The following ABCA9 variants were observed in gnomAD, a reference collection of about 807,000 sequenced individuals.
ABCA9 encodes ATP-binding cassette sub-family A member 9.
In ABCA9, 183 loss-of-function variants were observed where a neutral mutation model predicts 205.3. The ratio of observed to expected loss-of-function variants is 0.89; its 90% CI spans 0.79 to 1.01. The LOEUF (loss-of-function observed/expected upper bound fraction) is 1.01. Among genes scored for constraint, ABCA9 ranks in the 50% least tolerant of loss-of-function variants. The pLI, the probability that ABCA9 is intolerant of heterozygous loss-of-function variation, is 0.00. For synonymous variants in ABCA9, 651 were observed against 683.3 expected (o/e 0.95, Z 0.74); for missense variants, 1,805 against 1,912.4 (o/e 0.94, Z 1.05).
chr17:69,019,970 C>A (rs1181517779), intron 19 of ABCA9: 1 of 154,498 alleles, frequency 6.5e-6, no homozygotes, highest in African/African-American at 2.4e-5. Flanking sequence ...CCAAGCCCCA[C>A]AATTACATAA....
At chr17:69,047,542 C>T (rs746350195) in intron 3 of ABCA9, among the ~76,000 whole-genome samples, 9 of 152,014 alleles carry the variant, frequency 5.9e-5, no homozygotes, top group Non-Finnish European at 1.3e-4. Context: ...GCAGGGGCCC[C>T]AGAGAAATGG....
At chr17:68,983,053 A>C (rs368377901) in intron 36 of ABCA9, among the ~76,000 whole-genome samples, 1 of 152,122 alleles carries the variant, frequency 6.6e-6, no homozygotes, top group Non-Finnish European at 1.5e-5. Flanking sequence ...ATCGTCAACA[A>C]TCTGTCTAAA....
intron 11 of ABCA9, among the ~76,000 whole-genome samples, chr17:69,028,892 T>C (rs1054552412): frequency 6.6e-6 from 1 of 152,190 alleles, no homozygotes; most frequent in African/African-American, 2.4e-5. Flanking sequence ...CTAACAATAA[T>C]ACAATTTTAG....
At chr17:69,001,548 T>A (rs2069868580) in intron 25 of ABCA9, among the ~76,000 whole-genome samples, 1 of 151,794 alleles carries the variant, frequency 6.6e-6, no homozygotes, top group Non-Finnish European at 1.5e-5. Flanking sequence ...TTTGCATCAA[T>A]GTGCATCAAG....
At position 69,007,872 on chromosome 17, in the gene ABCA9, T is replaced by A. The variant is rs1280072783; in HGVS notation, c.3322A>T (p.Ile1108Phe). 3.8e-6 allele frequency: 6 copies of A among 1,572,372 alleles called. No homozygotes were observed. Among genetic ancestry groups the A allele is most frequent in the Non-Finnish European group, 5.2e-6 (6 of 1,145,550 alleles). ...IFIIQNLLIQ[I>F]LCSIGYVSSL... ...GAGACATAGCCAATACTACACAGGA[T>A]CTGAAAACAGAAATGTTAAGGTCCA... Residue 1108 changes from isoleucine to phenylalanine, a missense_variant and splice_region_variant, in exon 25 of 39, where the codon ATC becomes TTC. By Grantham distance (21) the Ile-to-Phe change is conservative. Transcript: ENST00000340001.
intron 25 of ABCA9, among the ~76,000 whole-genome samples, chr17:69,007,537 T>C (rs2070190554): frequency 6.6e-6 from 1 of 152,248 alleles, no homozygotes; most frequent in African/African-American, 2.4e-5. Flanking sequence ...AAGTCTCTAC[T>C]CAGGGGAGAA....
At chr17:69,010,412 A>G (rs1297265603) in intron 23 of ABCA9, among the ~76,000 whole-genome samples, 1 of 152,126 alleles carries the variant, frequency 6.6e-6, no homozygotes, top group Non-Finnish European at 1.5e-5. Context: ...GGCCCAGATG[A>G]TATTGGCATA....
intron 37 of ABCA9, among the ~76,000 whole-genome samples, chr17:68,980,835 A>C (rs534341021): frequency 2.3e-4 from 35 of 152,014 alleles, no homozygotes; most frequent in African/African-American, 8.0e-4. Flanking sequence ...TACTGGGTGC[A>C]GCACACCAAC....
chr17:68,987,635 A>AACAG (rs1249005145), intron 31 of ABCA9, among the ~76,000 whole-genome samples: 4 of 152,240 alleles, frequency 2.6e-5, no homozygotes, highest in African/African-American at 4.8e-5. Context: ...GCAGGCGGTC[A>AACAG]ACAGACCACA....
In ABCA9 at chr17:69,043,535, T is replaced by C; in HGVS notation, c.754A>G (p.Ile252Val). Residue 252 changes from isoleucine to valine, a missense_variant, in exon 6 of 39, where the codon ATT becomes GTT. Transcript: ENST00000340001. ...SVNVTQERQYITSLMTMMGLR... is the reference protein window; with the variant it reads ...SVNVTQERQYVTSLMTMMGLR... ...CCCATCATTGTCATCAATGACGTAA[T>C]GTATTGTCTTTCTTGTGTAACATTG... 5.0e-6 allele frequency: 8 copies of C among 1,609,904 alleles called. No homozygotes were observed. Among genetic ancestry groups the C allele is most frequent in the Non-Finnish European group, 5.9e-6 (7 of 1,178,258 alleles).
chr17:68,975,915 T>TA lies in ABCA9; in HGVS notation c.4874_4875insT (p.Ter1625TyrfsTer11). The TA allele has an allele frequency of 6.2e-7, 1 of 1,609,886 alleles. No homozygotes were observed. The highest frequency in any genetic ancestry group is 1.1e-5 in the South Asian group (1 of 90,452). ...AGAAAGATATAGGGTATTTGGAGCT[T>TA]TAAGGCTCTTCCTGCAGGAGGAGTT... On this transcript the variant is annotated frameshift_variant and stop_lost, in exon 39 of 39. Transcript: ENST00000340001. LOFTEE classifies it high-confidence loss of function.
intron 14 of ABCA9, 50 bp from the exon 15 acceptor site, chr17:69,027,164 C>A (rs1182296156): frequency 6.3e-7 from 1 of 1,599,142 alleles, no homozygotes; most frequent in East Asian, 2.2e-5. Flanking sequence ...GGATAAGATC[C>A]TTTTAAAAAG....
chr17:69,028,670 C>T (rs983528977), intron 11 of ABCA9, 25 bp from the exon 12 acceptor site: 6 of 1,409,090 alleles, frequency 4.3e-6, no homozygotes, highest in African/African-American at 1.4e-5. Flanking sequence ...AAAAAAATTA[C>T]ACTCAGAGCC....
intron 21 of ABCA9, among the ~76,000 whole-genome samples, chr17:69,016,809 T>G (rs183942574): frequency 3.9e-5 from 6 of 152,154 alleles, no homozygotes. Context: ...AAGTATAGGT[T>G]TTCATAAATC....
At chr17:68,989,959 C>T in intron 29 of ABCA9, 29 bp from the exon 30 acceptor site, 2 of 1,483,470 alleles carry the variant, frequency 1.3e-6, no homozygotes, top group African/African-American at 1.4e-5. Context: ...AACAACGGGA[C>T]TTTATTCGCA....
At position 69,045,164 on chromosome 17, in the gene ABCA9, A is replaced by G. The variant is rs1222443804; in HGVS notation, c.469+8T>C. 2.5e-6 allele frequency: 4 copies of G among 1,609,924 alleles called. No individual in the cohort carries two copies. Among genetic ancestry groups the G allele is most frequent in the African/African-American group, 1.3e-5 (1 of 74,640 alleles). ...GCAAAAAAAATTTTTTTCTTCTTCAAAAGTTACCTGAATGGTCTCTGTGCT... is the reference window on the plus strand; with the variant it reads ...GCAAAAAAAATTTTTTTCTTCTTCAGAAGTTACCTGAATGGTCTCTGTGCT... On this transcript the variant is annotated splice_region_variant and intron_variant, in intron 4 of 38. Transcript: ENST00000340001.
chr17:69,000,045 G>A (rs899417210), intron 25 of ABCA9, among the ~76,000 whole-genome samples: 8 of 152,000 alleles, frequency 5.3e-5, no homozygotes, highest in Admixed American at 2.0e-4. Context: ...CAGATGAGTA[G>A]GTTGCGAAAA....
At chr17:69,068,824 T>G in the ABCA9 span, among the ~76,000 whole-genome samples, 1 of 152,164 alleles carries the variant, frequency 6.6e-6, no homozygotes, top group South Asian at 2.1e-4. Context: ...ATGATGATAA[T>G]GACTAATGTG....
chr17:68,997,585 AT>A (rs1028879448), intron 25 of ABCA9, among the ~76,000 whole-genome samples: 16 of 98,324 alleles, frequency 1.6e-4, no homozygotes, highest in African/African-American at 3.4e-4. Context: ...GTTCCTGGGT[AT>A]TTTTTTTCTT....
Sources: gnomAD v4.1 joint callset for allele counts (sites outside exome capture counted in the v4.1 genomes callset) on GRCh38, gnomAD v4.1.1 for gene constraint, MANE v1.5 for transcripts, NCBI Gene and HGNC (gene_info 2026-07-23, HGNC 2026-07-21) for gene names.